Variants in MGAT5 observed in about 807,000 individuals in gnomAD.
MGAT5 encodes alpha-1,6-mannosylglycoprotein 6-beta-N-acetylglucosaminyltransferase.
In MGAT5, 30 loss-of-function variants were observed where a neutral mutation model predicts 94.3. The observed-to-expected ratio is 0.32, with a 90% CI of 0.24 to 0.43. The LOEUF is 0.43. MGAT5 is among the 20% of genes least tolerant of loss of function. MGAT5 has a pLI of 1.00. For synonymous variants in MGAT5, 310 were observed against 322.9 expected (o/e 0.96, Z 0.43); for missense variants, 691 against 905.5 (o/e 0.76, Z 3.04).
intron 10 of MGAT5, among the ~76,000 whole-genome samples, chr2:134,391,573 TCTCTTCTTAAAAGGG>T (rs1226954325): frequency 2.0e-5 from 3 of 152,130 alleles, no homozygotes; most frequent in South Asian, 4.1e-4. Context: ...AGATCTCTGG[TCTCTTCTTAAAAGGG>T]CACTATTCCT....
chr2:134,233,327 CT>C (rs1049695075), intron 1 of MGAT5, among the ~76,000 whole-genome samples: 5 of 152,154 alleles, frequency 3.3e-5, no homozygotes, highest in Admixed American at 2.0e-4. Flanking sequence ...GGATTTCAGA[CT>C]TTTAGGTGCT....
chr2:134,177,782 A>G (rs1334926556), intron 1 of MGAT5, among the ~76,000 whole-genome samples: 1 of 152,212 alleles, frequency 6.6e-6, no homozygotes, highest in East Asian at 1.9e-4. Context: ...GCAGCACGGA[A>G]TGGCCGATGC....
intron 10 of MGAT5, among the ~76,000 whole-genome samples, chr2:134,365,022 A>G (rs1316065594): frequency 6.6e-6 from 1 of 152,136 alleles, no homozygotes; most frequent in Non-Finnish European, 1.5e-5. Flanking sequence ...CTTGTGTCCC[A>G]TTCCCCTCTC....
rs142906997 is a variant in MGAT5 at position 134,351,052 on chromosome 2, A to G, written c.1246+1114A>G. Among the ~76,000 whole-genome samples, 531 of 152,272 alleles carry G rather than the reference A, an allele frequency of 3.5e-3. 2 individuals are homozygous for G. The highest frequency in any genetic ancestry group is 0.012 in the African/African-American group (513 of 41,554). On this transcript the variant is annotated intron_variant, in intron 9 of 15. Transcript: ENST00000281923. ...TTGGACTAATCTTTGGGTGTTAGGCATGAAAAGGGAGAATTAAGAATGGAG... is the reference window on the plus strand; with the variant it reads ...TTGGACTAATCTTTGGGTGTTAGGCGTGAAAAGGGAGAATTAAGAATGGAG...
chr2:134,320,452 G>A (rs975228523), intron 4 of MGAT5, among the ~76,000 whole-genome samples: 17 of 151,752 alleles, frequency 1.1e-4, no homozygotes, highest in Non-Finnish European at 1.0e-4. Context: ...ATTTCACCTA[G>A]AACCTCTTGG....
chr2:134,258,872 C>T (rs1017801963), intron 1 of MGAT5, among the ~76,000 whole-genome samples: 1 of 152,220 alleles, frequency 6.6e-6, no homozygotes, highest in African/African-American at 2.4e-5. Context: ...CAGTGCCTCT[C>T]ACCAAGGACT....
chr2:134,338,444 C>T lies in MGAT5; in HGVS notation c.807+24C>T, dbSNP rs767705143. On this transcript the variant is annotated intron_variant, in intron 6 of 15. Transcript: ENST00000281923. Reference sequence around the variant, plus strand: ...AAGTGAGTTTCTTATTAATTCAGTGCAGTTAGATGCCAGCTTTCTTTTAAA... The same window carrying T: ...AAGTGAGTTTCTTATTAATTCAGTGTAGTTAGATGCCAGCTTTCTTTTAAA... The T allele has an allele frequency of 3.2e-6, 5 of 1,561,836 alleles. No homozygotes were observed. The African/African-American group carries it at 5.6e-5, about 17-fold the overall frequency.
rs1280598589 is a variant in MGAT5 at position 134,338,370 on chromosome 2, A to G, written c.757A>G (p.Ile253Val). 1.2e-6 allele frequency: 2 copies of G among 1,612,374 alleles called. No individual in the cohort carries two copies. Among genetic ancestry groups the G allele is most frequent in the Non-Finnish European group, 1.7e-6 (2 of 1,179,300 alleles). The change falls in exon 6 of 16, where the codon ATC becomes GTC. Residue 253 changes from isoleucine (I) to valine (V), a missense_variant. Around this residue, in one of 4 missense-constraint regions of MGAT5, gnomAD observed 307 missense variants for 335.4 expected, o/e 0.92. Transcript: ENST00000281923. ...AATGGCTGACGCATGGATCCAAGCA[A>G]TCAAGTCCCTGGCAGAAAAGCAGAA... ...RRMADAWIQA[I>V]KSLAEKQNLE... is the part of the protein sequence containing the mutation.
intron 15 of MGAT5, among the ~76,000 whole-genome samples, chr2:134,447,097 G>A (rs960854474): frequency 3.3e-5 from 5 of 152,146 alleles, no homozygotes; most frequent in African/African-American, 1.2e-4. Flanking sequence ...ACAAATGCAA[G>A]TACATAAACA....
chr2:134,152,412 C>T (rs545012634), intron 1 of MGAT5, among the ~76,000 whole-genome samples: 14 of 147,322 alleles, frequency 9.5e-5, no homozygotes, highest in African/African-American at 3.3e-4. Context: ...CTATGGGACC[C>T]GCCCACCGCC....
At position 134,353,578 on chromosome 2, in the gene MGAT5, C is replaced by A. The variant is rs75182830; in HGVS notation, c.1246+3640C>A. Among the ~76,000 whole-genome samples the A allele has an allele frequency of 7.8e-3, 1,181 of 152,198 alleles. 22 individuals carry two copies. The highest frequency in any genetic ancestry group is 0.027 in the African/African-American group (1,131 of 41,516). On this transcript the variant is annotated intron_variant, in intron 9 of 15. Transcript: ENST00000281923. Reference sequence around the variant, plus strand: ...GTGAAAGAATTCAGCTTTGATCATGCCTTTCTAGCACAAATTGTATTTGAA... The same window carrying A: ...GTGAAAGAATTCAGCTTTGATCATGACTTTCTAGCACAAATTGTATTTGAA...
intron 4 of MGAT5, among the ~76,000 whole-genome samples, chr2:134,321,417 G>A (rs1346174706): frequency 6.6e-6 from 1 of 152,118 alleles, no homozygotes; most frequent in Admixed American, 6.6e-5. Context: ...GGCATGGAGA[G>A]TGATCCAAAT....
upstream of MGAT5, among the ~76,000 whole-genome samples, chr2:134,250,350 G>A (rs988374480): frequency 4.1e-4 from 63 of 152,200 alleles, no homozygotes; most frequent in African/African-American, 1.5e-3. Context: ...CTTAGCTAGA[G>A]GACACAGCCG....
At chr2:134,124,121 A>T (rs904515919) in intron 1 of MGAT5, among the ~76,000 whole-genome samples, 1 of 152,174 alleles carries the variant, frequency 6.6e-6, no homozygotes, top group African/African-American at 2.4e-5. Flanking sequence ...GGTGCTGGGT[A>T]TAAAGATGTC....
chr2:134,142,547 T>G (rs955786131), intron 1 of MGAT5, among the ~76,000 whole-genome samples: 3 of 152,086 alleles, frequency 2.0e-5, no homozygotes, highest in African/African-American at 7.2e-5. Flanking sequence ...TACAGATGAG[T>G]GAACTGAGGC....
intron 4 of MGAT5, among the ~76,000 whole-genome samples, chr2:134,323,621 A>G (rs1293922288): frequency 6.6e-6 from 1 of 152,156 alleles, no homozygotes; most frequent in African/African-American, 2.4e-5. Flanking sequence ...TTAGGTAGCT[A>G]ACTTGCAGCC....
At chr2:134,153,892 C>T (rs529440227) in intron 1 of MGAT5, among the ~76,000 whole-genome samples, 1 of 152,140 alleles carries the variant, frequency 6.6e-6, no homozygotes, top group African/African-American at 2.4e-5. Context: ...ACATGGGCTT[C>T]TCCGCTCCAC....
intron 1 of MGAT5, among the ~76,000 whole-genome samples, chr2:134,148,065 C>A (rs1179258286): frequency 6.6e-6 from 1 of 152,136 alleles, no homozygotes; most frequent in Non-Finnish European, 1.5e-5. Flanking sequence ...GCACTCATAC[C>A]GTATCACAAT....
At chr2:134,396,849 G>A (rs1051626982) in intron 10 of MGAT5, among the ~76,000 whole-genome samples, 1 of 152,234 alleles carries the variant, frequency 6.6e-6, no homozygotes, top group Non-Finnish European at 1.5e-5. Flanking sequence ...GCCCAAGCAG[G>A]AAGATGGTTA....
Sources: allele counts gnomAD v4.1 joint callset (sites outside exome capture counted in the v4.1 genomes callset), GRCh38; gene constraint gnomAD v4.1.1; regional missense constraint gnomAD v4.1.1; transcripts MANE v1.5; gene names NCBI Gene and HGNC (gene_info 2026-07-23, HGNC 2026-07-21).